DLG2: variants seen among roughly 807,000 people sequenced by gnomAD.
The protein encoded by DLG2 is disks large homolog 2.
In DLG2, 45 loss-of-function variants were observed where a neutral mutation model predicts 132.5. That is an observed-to-expected ratio of 0.34 (90% CI 0.27 to 0.44). DLG2 has a LOEUF of 0.44. Among genes scored for constraint, DLG2 ranks in the 20% least tolerant of loss-of-function variants. The probability of loss-of-function intolerance (pLI) is 1.00; values close to 1 mark genes in which losing one functional copy is unlikely to be tolerated. For synonymous variants in DLG2, 424 were observed against 419.6 expected (o/e 1.01, Z -0.13); for missense variants, 1,045 against 1,196.9 (o/e 0.87, Z 1.87).
At chr11:84,716,655 G>A (rs1211469429) in intron 6 of DLG2, among the ~76,000 whole-genome samples, 1 of 149,430 alleles carries the variant, frequency 6.7e-6, no homozygotes, top group Admixed American at 6.7e-5. Context: ...CCCATGGCAA[G>A]CCCATTCCCA....
At chr11:84,271,938 T>C (rs569324958) in intron 7 of DLG2, among the ~76,000 whole-genome samples, 14 of 113,186 alleles carry the variant, frequency 1.2e-4, no homozygotes, top group Admixed American at 1.0e-3. Flanking sequence ...AATATCACAC[T>C]TTGATAATAA....
intron 18 of DLG2, among the ~76,000 whole-genome samples, chr11:83,660,348 C>T (rs1219230143): frequency 2.6e-5 from 4 of 152,138 alleles, no homozygotes; most frequent in African/African-American, 4.8e-5. Context: ...AATTATGTTC[C>T]CTTTTATTTC....
intron 10 of DLG2, among the ~76,000 whole-genome samples, chr11:84,077,696 C>A (rs2096848229): frequency 6.6e-6 from 1 of 152,092 alleles, no homozygotes; most frequent in East Asian, 1.9e-4. Context: ...TCAAATGTAT[C>A]CCATGGGATA....
chr11:84,964,745 T>C (rs931257591), intron 6 of DLG2, among the ~76,000 whole-genome samples: 5 of 152,088 alleles, frequency 3.3e-5, no homozygotes, highest in Non-Finnish European at 5.9e-5. Context: ...ATTACACCTA[T>C]TGCAGATGTG....
At chr11:85,521,607 CA>C (rs1010363347) in intron 3 of DLG2, among the ~76,000 whole-genome samples, 19 of 150,226 alleles carry the variant, frequency 1.3e-4, no homozygotes, top group African/African-American at 3.2e-4. Context: ...GAGAACAAGA[CA>C]AAAAAAAATG....
chr11:84,674,811 A>G (rs942834376), intron 6 of DLG2, among the ~76,000 whole-genome samples: 3 of 152,138 alleles, frequency 2.0e-5, no homozygotes, highest in African/African-American at 4.8e-5. Flanking sequence ...ACACGCATAT[A>G]TGTCTGTTCA....
At chr11:84,924,217 A>G (rs2154085643) in intron 6 of DLG2, among the ~76,000 whole-genome samples, 1 of 152,346 alleles carries the variant, frequency 6.6e-6, no homozygotes, top group African/African-American at 2.4e-5. Flanking sequence ...AGTACAATTT[A>G]GGGTGCTATA....
chr11:85,202,567 A>C (rs1321049243), intron 4 of DLG2, among the ~76,000 whole-genome samples: 1 of 152,142 alleles, frequency 6.6e-6, no homozygotes, highest in East Asian at 1.9e-4. Context: ...TTTATAGAAC[A>C]TTTCATTCAA....
At chr11:84,714,653 C>CTCTT (rs2060991392) in intron 6 of DLG2, among the ~76,000 whole-genome samples, 1 of 141,986 alleles carries the variant, frequency 7.0e-6, no homozygotes, top group African/African-American at 2.7e-5. Context: ...CTCTTTCTCT[C>CTCTT]TCTCTCTCTC....
rs564175037 is a variant in DLG2, at chr11:84,850,373, G to A, written c.357+261288C>T. On this transcript the variant is annotated intron_variant, in intron 6 of 27. Transcript: ENST00000376104. ...TGTAGCGGACCTTACCACCCACTTC[G>A]ACTTTAGCAAAACATACAGGACTGT... Among the ~76,000 whole-genome samples the A allele has an allele frequency of 2.1e-4, 28 of 134,760 alleles. No individual in the cohort carries two copies. The South Asian group carries it at 6.4e-3, about 31-fold the overall frequency. The allele number at this position is 134,760 out of a possible 152,430, so 88.4% of individuals were successfully genotyped here.
At chr11:85,476,127 A>G (rs554219304) in intron 3 of DLG2, among the ~76,000 whole-genome samples, 3 of 152,308 alleles carry the variant, frequency 2.0e-5, no homozygotes, top group East Asian at 1.9e-4. Flanking sequence ...GGTATAGCCT[A>G]TCGCTCCTAG....
intron 15 of DLG2, among the ~76,000 whole-genome samples, chr11:83,913,199 A>C (rs575266453): frequency 6.6e-6 from 1 of 152,122 alleles, no homozygotes; most frequent in African/African-American, 2.4e-5. Context: ...TGGAATGCTA[A>C]TTGTTTTCCT....
intron 3 of DLG2, among the ~76,000 whole-genome samples, chr11:85,583,581 A>G (rs192743752): frequency 1.7e-4 from 26 of 152,244 alleles, no homozygotes; most frequent in Admixed American, 9.2e-4. Flanking sequence ...CTGAGCAGAG[A>G]GCACTTTCTG....
chr11:85,039,030 T>C (rs968008186), intron 6 of DLG2, among the ~76,000 whole-genome samples: 1 of 152,072 alleles, frequency 6.6e-6, no homozygotes, highest in African/African-American at 2.4e-5. Context: ...TTTTCCCCTT[T>C]TGTCTGCTTT....
chr11:85,461,166 T>G (rs930283039), intron 3 of DLG2, among the ~76,000 whole-genome samples: 1 of 152,236 alleles, frequency 6.6e-6, no homozygotes, highest in Non-Finnish European at 1.5e-5. Flanking sequence ...ATAAACAGGC[T>G]GTAGAGTACA....
chr11:84,391,913 C>T (rs2098793867), intron 7 of DLG2, among the ~76,000 whole-genome samples: 1 of 152,034 alleles, frequency 6.6e-6, no homozygotes, highest in South Asian at 2.1e-4. Context: ...GTGCCACCAG[C>T]GTTAGTTTTC....
intron 18 of DLG2, among the ~76,000 whole-genome samples, chr11:83,650,999 CT>C (rs1275470804): frequency 2.0e-5 from 3 of 152,132 alleles, no homozygotes; most frequent in Non-Finnish European, 2.9e-5. Context: ...AATCATGCCC[CT>C]CTTCATCTTA....
intron 18 of DLG2, among the ~76,000 whole-genome samples, chr11:83,705,415 T>A (rs895180664): frequency 6.6e-6 from 1 of 152,174 alleles, no homozygotes; most frequent in African/African-American, 2.4e-5. Context: ...TTAAATTGAT[T>A]ACTTTTGCGA....
At chr11:83,490,737 T>C (rs1033572946) in intron 21 of DLG2, among the ~76,000 whole-genome samples, 1 of 152,002 alleles carries the variant, frequency 6.6e-6, no homozygotes, top group Non-Finnish European at 1.5e-5. Flanking sequence ...ACATCACTTC[T>C]GTAGTATTTC....
Sources: gnomAD v4.1 joint callset for allele counts (sites outside exome capture counted in the v4.1 genomes callset) on GRCh38, gnomAD v4.1.1 for gene constraint, MANE v1.5 for transcripts, NCBI Gene and HGNC (gene_info 2026-07-23, HGNC 2026-07-21) for gene names.